CNGB3: variants seen among roughly 807,000 people sequenced by gnomAD.
The protein encoded by CNGB3 is cyclic nucleotide gated channel subunit beta 3.
A neutral mutation model predicts 92.8 loss-of-function variants in CNGB3; 86 were observed. The observed-to-expected ratio is 0.93, with a 90% CI of 0.78 to 1.11. CNGB3 has a LOEUF of 1.11. Among genes scored for constraint, CNGB3 ranks in the 50% least tolerant of loss-of-function variants. The pLI is 0.00. For synonymous variants in CNGB3, 333 were observed against 332.7 expected (o/e 1.00, Z -0.01); for missense variants, 1,026 against 956.8 (o/e 1.07, Z -0.95).
chr8:86,694,544 G>T (rs1193867012), intron 3 of CNGB3, among the ~76,000 whole-genome samples: 1 of 151,890 alleles, frequency 6.6e-6, no homozygotes, highest in East Asian at 2.0e-4. Context: ...CTTCTCAGAC[G>T]GGGTGGTTGC....
intron 10 of CNGB3, among the ~76,000 whole-genome samples, chr8:86,636,598 A>AAAAGGCACT (rs1453971274): frequency 7.3e-5 from 11 of 150,964 alleles, no homozygotes; most frequent in African/African-American, 2.7e-4. Flanking sequence ...AAAAAAAAAA[A>AAAAGGCACT]AAAGGCACTA....
chr8:86,578,635 T>C (rs1425815893), intron 17 of CNGB3, 54 bp downstream of exon 17: 2 of 1,555,836 alleles, frequency 1.3e-6, no homozygotes, highest in East Asian at 2.2e-5. Flanking sequence ...TGTGTGTATA[T>C]ACTTAGTCTG....
intron 6 of CNGB3, among the ~76,000 whole-genome samples, chr8:86,655,001 G>C (rs1260058563): frequency 6.6e-6 from 1 of 152,108 alleles, no homozygotes; most frequent in Non-Finnish European, 1.5e-5. Context: ...CAGATCCACT[G>C]CACCAAACCT....
intron 15 of CNGB3, chr8:86,593,770 G>A (rs1316709995): frequency 1.5e-6 from 2 of 1,312,564 alleles, no homozygotes; most frequent in East Asian, 2.6e-5. Context: ...TGCCAGGGCA[G>A]TACTTATCAA....
chr8:86,657,454 G>A, intron 6 of CNGB3: 2 of 518,004 alleles, frequency 3.9e-6, no homozygotes, highest in Non-Finnish European at 7.9e-6. Flanking sequence ...TGCTGCCCAA[G>A]CCTGGGTGCT....
At chr8:86,595,391 C>G (rs1050675877) in intron 15 of CNGB3, among the ~76,000 whole-genome samples, 3 of 152,130 alleles carry the variant, frequency 2.0e-5, no homozygotes, top group African/African-American at 7.2e-5. Context: ...TAGGAGGAAT[C>G]CTGAGGATAT....
intron 6 of CNGB3, chr8:86,658,138 G>A: frequency 3.8e-6 from 2 of 531,586 alleles, no homozygotes; most frequent in South Asian, 1.7e-5. Context: ...GACTAGGGCT[G>A]CTGCCTCTGG....
intron 3 of CNGB3, among the ~76,000 whole-genome samples, chr8:86,684,534 A>G (rs1824145801): frequency 6.6e-6 from 1 of 152,156 alleles, no homozygotes; most frequent in Non-Finnish European, 1.5e-5. Context: ...TGTTTTCACA[A>G]AAACTTGTGC....
Position 86,580,698 on chromosome 8 carries a change from TA to T in CNGB3, c.1782-1447del, listed in dbSNP as rs1192702903. On this transcript the variant is annotated intron_variant, in intron 15 of 17. Transcript: ENST00000320005. ...CACAGAAAGGAATAAGATAAATGAA[TA>T]AAAAGTCTGTCGTTACCGGTGATCT... is the stretch of plus-strand genomic sequence containing the variant. 7.2e-5 allele frequency among the ~76,000 whole-genome samples: 11 copies of T among 152,170 alleles called. 1 individual carries two copies. Among genetic ancestry groups the T allele is most frequent in the Admixed American group, 2.6e-4 (4 of 15,288 alleles).
chr8:86,738,004 C>CA (rs533847204), intron 2 of CNGB3, among the ~76,000 whole-genome samples: 27 of 152,278 alleles, frequency 1.8e-4, no homozygotes, highest in African/African-American at 6.3e-4. Context: ...GAAGATGAGA[C>CA]ATTTGGGCTA....
At chr8:86,730,162 GGCCCCTTGTAGCA>G (rs1246271423) in intron 2 of CNGB3, among the ~76,000 whole-genome samples, 36 of 152,236 alleles carry the variant, frequency 2.4e-4, no homozygotes, top group South Asian at 4.2e-4. Context: ...CAATCTCCTT[GGCCCCTTGTAGCA>G]GCACAACATG....
intron 15 of CNGB3, among the ~76,000 whole-genome samples, chr8:86,589,831 G>C (rs1174681765): frequency 1.3e-5 from 2 of 152,138 alleles, no homozygotes; most frequent in Admixed American, 6.6e-5. Flanking sequence ...TTGGGGTGGA[G>C]AGTTCTGTAG....
chr8:86,631,753 ACTTTACTACCCCT>A (rs1822965898), intron 11 of CNGB3, among the ~76,000 whole-genome samples: 1 of 152,154 alleles, frequency 6.6e-6, no homozygotes, highest in African/African-American at 2.4e-5. Context: ...CATAGAGTTT[ACTTTACTACCCCT>A]CTCTGTATTT....
chr8:86,719,552 T>G (rs1824926300), intron 3 of CNGB3, among the ~76,000 whole-genome samples: 1 of 152,120 alleles, frequency 6.6e-6, no homozygotes, highest in Non-Finnish European at 1.5e-5. Flanking sequence ...AATCCCATTG[T>G]GTAAATGACC....
At chr8:86,630,223 C>T (rs1822933831) in intron 11 of CNGB3, among the ~76,000 whole-genome samples, 1 of 152,128 alleles carries the variant, frequency 6.6e-6, no homozygotes. Flanking sequence ...TCCTAGATCT[C>T]ACTTTTCCAT....
At chr8:86,582,630 G>A (rs1821810888) in intron 15 of CNGB3, among the ~76,000 whole-genome samples, 4 of 152,174 alleles carry the variant, frequency 2.6e-5, no homozygotes, top group Admixed American at 2.6e-4. Context: ...AAGAGTTGTA[G>A]CAGATTTTTA....
Position 86,644,697 on chromosome 8 carries a change from A to G in CNGB3, c.991-11T>C. ...AAAAAATGAAGTGTACTATATAGAAAAGCAAAAGAAATCCAAAAGCATGTT... is the reference window on the plus strand; with the variant it reads ...AAAAAATGAAGTGTACTATATAGAAGAGCAAAAGAAATCCAAAAGCATGTT... On this transcript the variant is annotated splice_polypyrimidine_tract_variant and intron_variant, in intron 8 of 17. Coordinates refer to ENST00000320005, the MANE Select transcript of CNGB3 (RefSeq NM_019098.5). The G allele has an allele frequency of 6.7e-7, 1 of 1,500,904 alleles. No homozygotes were observed. The highest frequency in any genetic ancestry group is 8.9e-7 in the Non-Finnish European group (1 of 1,117,996). The allele number at this position is 1,500,904 out of a possible 1,614,324, so 93.0% of individuals were successfully genotyped here.
At chr8:86,683,323 C>G (rs558765430) in intron 3 of CNGB3, among the ~76,000 whole-genome samples, 8 of 152,040 alleles carry the variant, frequency 5.3e-5, no homozygotes, top group Non-Finnish European at 1.0e-4. Context: ...TCTGAATGCA[C>G]TAAAGAGCCA....
intron 15 of CNGB3, among the ~76,000 whole-genome samples, chr8:86,588,947 G>T (rs1339880908): frequency 6.6e-6 from 1 of 151,992 alleles, no homozygotes; most frequent in East Asian, 1.9e-4. Flanking sequence ...GGTAGAATTC[G>T]GCTGTGAATC....
Sources: gnomAD v4.1 joint callset for allele counts (sites outside exome capture counted in the v4.1 genomes callset) on GRCh38, gnomAD v4.1.1 for gene constraint, MANE v1.5 for transcripts, NCBI Gene and HGNC (gene_info 2026-07-23, HGNC 2026-07-21) for gene names.